SRBD1: variants seen among roughly 807,000 people sequenced by gnomAD.
The protein encoded by SRBD1 is S1 RNA binding domain 1.
SRBD1 carries 88 observed loss-of-function variants against 115.3 expected under a neutral mutation model. That is an observed-to-expected ratio of 0.76 (90% CI 0.64 to 0.91). The LOEUF is 0.91. Ranked by LOEUF, SRBD1 falls within the 40% of genes least tolerant of loss-of-function variation. The probability of loss-of-function intolerance (pLI) is 0.00; values close to 1 mark genes in which losing one functional copy is unlikely to be tolerated. For synonymous variants in SRBD1, 509 were observed against 407.7 expected, an observed-to-expected ratio of 1.25 and a Z score of -2.99; for missense variants, 1,385 against 1,177.4, an observed-to-expected ratio of 1.18 and a Z score of -2.58.
chr2:45,561,087 AC>A (rs771476275), intron 10 of SRBD1, among the ~76,000 whole-genome samples: 1 of 152,188 alleles, frequency 6.6e-6, no homozygotes, highest in Non-Finnish European at 1.5e-5. Context: ...AGCCTAGGCA[AC>A]AGAGTGAGAC....
At chr2:45,472,912 CATTT>C (rs1346072439) in intron 16 of SRBD1, among the ~76,000 whole-genome samples, 1 of 149,872 alleles carries the variant, frequency 6.7e-6, no homozygotes, top group Admixed American at 6.7e-5. Context: ...CTGTCTTTTT[CATTT>C]ATGTGGAATA....
rs1252350074 is a variant in SRBD1, at chr2:45,573,204, T to C, written c.1305+3A>G. ...AGCATGCACATGCAGTTTCTTTATT[T>C]ACCTGATGATGGTGAATGTTTCTTA... On this transcript the variant is annotated splice_donor_region_variant and intron_variant, in intron 9 of 20. Transcript: ENST00000263736. The C allele has an allele frequency of 1.3e-6, 2 of 1,599,558 alleles. No individual in the cohort carries two copies. Among genetic ancestry groups the C allele is most frequent in the Admixed American group, 1.8e-5 (1 of 57,108 alleles).
Position 45,609,607 on chromosome 2 carries a change from C to T in SRBD1, c.-1+1612G>A, listed in dbSNP as rs189546258. ...GAGCCCTGCTCACCTTTCTAACCAC[C>T]TTTACTACTTGCTGGAGCTCCTCAG... On this transcript the variant is annotated intron_variant, in intron 1 of 20. Transcript: ENST00000263736. Among the ~76,000 whole-genome samples, 700 of 152,298 alleles carry T rather than the reference C, an allele frequency of 4.6e-3. 19 individuals are homozygous for T. Among genetic ancestry groups the T allele is most frequent in the Admixed American group, 0.039 (601 of 15,286 alleles).
chr2:45,410,574 T>C (rs1385922968), intron 19 of SRBD1, among the ~76,000 whole-genome samples: 2 of 152,186 alleles, frequency 1.3e-5, no homozygotes, highest in Non-Finnish European at 2.9e-5. Flanking sequence ...GAGTGATAGA[T>C]AAGAGTGTCT....
intron 14 of SRBD1, among the ~76,000 whole-genome samples, chr2:45,511,531 T>C (rs1670968825): frequency 1.3e-5 from 2 of 152,206 alleles, no homozygotes; most frequent in South Asian, 4.1e-4. Context: ...CATGCTCACA[T>C]ATAAGACCGT....
intron 14 of SRBD1, among the ~76,000 whole-genome samples, chr2:45,538,169 A>G (rs941717150): frequency 2.0e-5 from 3 of 152,238 alleles, no homozygotes; most frequent in African/African-American, 7.2e-5. Context: ...GCTACATCAC[A>G]GCTTCCTTGC....
At chr2:45,596,102 C>T (rs1030743232) in intron 4 of SRBD1, among the ~76,000 whole-genome samples, 2 of 152,160 alleles carry the variant, frequency 1.3e-5, no homozygotes, top group African/African-American at 2.4e-5. Context: ...AGTTCTTGTG[C>T]CTTTAAATGA....
chr2:45,584,857 G>A (rs757211386), intron 5 of SRBD1, among the ~76,000 whole-genome samples: 11 of 152,054 alleles, frequency 7.2e-5, no homozygotes, highest in Admixed American at 1.3e-4. Context: ...ACCATTAAAA[G>A]TATGGGAAAA....
chr2:45,398,235 G>A (rs573242516), intron 19 of SRBD1, among the ~76,000 whole-genome samples: 1 of 152,172 alleles, frequency 6.6e-6, no homozygotes, highest in South Asian at 2.1e-4. Flanking sequence ...AAGTTGTTCT[G>A]AAAGCTCTTC....
rs1674022536 is a variant in SRBD1, at chr2:45,599,553, T to C, written c.544A>G (p.Lys182Glu). 2.5e-6 allele frequency: 4 copies of C among 1,614,130 alleles called. No individual in the cohort carries two copies. The highest frequency in any genetic ancestry group is 1.7e-5 in the Admixed American group (1 of 60,010). Residue 182 changes from lysine (K) to glutamate (E), a missense_variant, in exon 4 of 21, where the codon AAG becomes GAG. Lys to Glu is a moderately conservative substitution (Grantham distance 56). Transcript: ENST00000263736. Reference protein sequence around the residue: ...DDFTFGQSALKKIKTETYPQG... With the variant: ...DDFTFGQSALEKIKTETYPQG... ...GGATATGTCTCAGTCTTGATTTTCT[T>C]TAAAGCGGACTGACCAAATGTAAAG...
intron 14 of SRBD1, among the ~76,000 whole-genome samples, chr2:45,544,591 T>C (rs1558467462): frequency 1.3e-5 from 2 of 152,236 alleles, no homozygotes; most frequent in Non-Finnish European, 2.9e-5. Flanking sequence ...CATCTCATGA[T>C]ACCACAATAC....
At chr2:45,595,495 A>G (rs1480133352) in intron 4 of SRBD1, among the ~76,000 whole-genome samples, 1 of 151,464 alleles carries the variant, frequency 6.6e-6, no homozygotes, top group African/African-American at 2.5e-5. Flanking sequence ...TGTTACAGGT[A>G]TTTTGTTGAG....
chr2:45,510,574 A>G (rs1041301293), intron 14 of SRBD1, among the ~76,000 whole-genome samples: 2 of 152,244 alleles, frequency 1.3e-5, no homozygotes, highest in Non-Finnish European at 2.9e-5. Context: ...CAGGGTTTAT[A>G]AAGTGCTGTT....
intron 15 of SRBD1, among the ~76,000 whole-genome samples, chr2:45,477,997 T>C (rs1228383952): frequency 6.6e-6 from 1 of 151,078 alleles, no homozygotes. Context: ...CAATAAAAAT[T>C]CACATCTAAT....
chr2:45,492,810 T>C (rs905216333), intron 14 of SRBD1, among the ~76,000 whole-genome samples: 3 of 152,244 alleles, frequency 2.0e-5, no homozygotes, highest in East Asian at 1.9e-4. Context: ...ATGAAGACTC[T>C]GCATGAATCT....
chr2:45,453,801 T>C (rs1020010405), intron 16 of SRBD1, among the ~76,000 whole-genome samples: 1 of 151,858 alleles, frequency 6.6e-6, no homozygotes, highest in African/African-American at 2.4e-5. Flanking sequence ...AGAGAAAAAG[T>C]TCTGGGTTAA....
In SRBD1 at chr2:45,489,426, T is replaced by C. The variant is rs116515935; in HGVS notation, c.1875-1095A>G. Among the ~76,000 whole-genome samples, 402 of 152,288 alleles carry C rather than the reference T, an allele frequency of 2.6e-3. 2 individuals carry two copies. The highest frequency in any genetic ancestry group is 9.3e-3 in the African/African-American group (387 of 41,580). ...TGGAAAAGTTAGTTTGCTATCCCCA[T>C]CTTTGGAGAATTCTTGAATAAATTT... On this transcript the variant is annotated intron_variant, in intron 14 of 20. Transcript: ENST00000263736.
intron 3 of SRBD1, among the ~76,000 whole-genome samples, chr2:45,601,439 G>C (rs1411597184): frequency 6.6e-6 from 1 of 152,214 alleles, no homozygotes; most frequent in East Asian, 1.9e-4. Flanking sequence ...ACCCAAGAGA[G>C]ATATATCTGT....
At chr2:45,461,658 G>GCCCC (rs3835990) in intron 16 of SRBD1, among the ~76,000 whole-genome samples, 1 of 150,844 alleles carries the variant, frequency 6.6e-6, no homozygotes, top group African/African-American at 2.4e-5. Flanking sequence ...AGATTCAACT[G>GCCCC]CCCCCCCCAA....
Sources: gnomAD v4.1 joint callset for allele counts (sites outside exome capture counted in the v4.1 genomes callset) on GRCh38, gnomAD v4.1.1 for gene constraint, MANE v1.5 for transcripts, NCBI Gene and HGNC (gene_info 2026-07-23, HGNC 2026-07-21) for gene names.